The following RALGDS variants were observed in gnomAD, a reference collection of about 807,000 sequenced individuals.
RALGDS encodes the protein ral guanine nucleotide exchange factor.
A neutral mutation model predicts 99.8 loss-of-function variants in RALGDS; 44 were observed. The observed-to-expected ratio is 0.44, with a 90% CI of 0.35 to 0.57. The LOEUF (loss-of-function observed/expected upper bound fraction) is 0.57. Among genes scored for constraint, RALGDS ranks in the 20% least tolerant of loss-of-function variants. The probability of loss-of-function intolerance (pLI) is 0.01; values close to 1 mark genes in which losing one functional copy is unlikely to be tolerated. For missense variants in RALGDS, 1,022 were observed against 1,203.1 expected (o/e 0.85, Z 2.23); for synonymous variants, 529 against 505.0 (o/e 1.05, Z -0.64).
intron 1 of RALGDS, among the ~76,000 whole-genome samples, chr9:133,114,500 C>G (rs778591793): frequency 6.6e-6 from 1 of 152,182 alleles, no homozygotes; most frequent in African/African-American, 2.4e-5. Flanking sequence ...GGCAGCTGCC[C>G]CAGAACCCTC....
At chr9:133,125,367 G>A (rs903016641), upstream of RALGDS, among the ~76,000 whole-genome samples, 2 of 152,292 alleles carry the variant, frequency 1.3e-5, no homozygotes, top group East Asian at 1.9e-4. Context: ...ACCGATGGTC[G>A]TGAAAGCTGG....
chr9:133,100,459 C>T (rs1830702860), intron 16 of RALGDS, 77 bp from the exon 17 acceptor site: 3 of 1,608,336 alleles, frequency 1.9e-6, no homozygotes, highest in East Asian at 2.2e-5. Flanking sequence ...GCCAAGGACC[C>T]TCTGGAGTCC....
chr9:133,124,157 TACATAGAGACAGAGACACAG>T (rs934671107), upstream of RALGDS, among the ~76,000 whole-genome samples: 2 of 61,926 alleles, frequency 3.2e-5, no homozygotes, highest in Non-Finnish European at 6.9e-5. Flanking sequence ...CAGAGACACA[TACATAGAGACAGAGACACAG>T]ACACACACAC....
intron 2 of RALGDS, 113 bp from the exon 3 acceptor site, chr9:133,110,602 C>A: frequency 1.1e-6 from 1 of 904,018 alleles, no homozygotes; most frequent in Non-Finnish European, 1.8e-6. Flanking sequence ...GACTGAGTAT[C>A]TCTAGCAGAA....
intron 1 of RALGDS, among the ~76,000 whole-genome samples, chr9:133,114,166 G>A (rs1411525837): frequency 6.6e-6 from 1 of 152,194 alleles, no homozygotes; most frequent in Non-Finnish European, 1.5e-5. Context: ...CCAGCCGGGT[G>A]GTGGGGAAGG....
intron 1 of RALGDS, 88 bp downstream of exon 1, chr9:133,120,884 C>G (rs1295326004): frequency 7.5e-7 from 1 of 1,326,018 alleles, no homozygotes; most frequent in Non-Finnish European, 9.7e-7. Flanking sequence ...CGCCCGGCCC[C>G]GTCCGGGGCT....
chr9:133,109,819 A>G (rs1258702536), intron 3 of RALGDS, 98 bp from the exon 4 acceptor site: 2 of 909,004 alleles, frequency 2.2e-6, no homozygotes, highest in Admixed American at 3.9e-5. Flanking sequence ...ATCAAATTAT[A>G]TTAAATGCCT....
chr9:133,124,927 A>G (rs1340976929), upstream of RALGDS, among the ~76,000 whole-genome samples: 4 of 152,256 alleles, frequency 2.6e-5, no homozygotes, highest in Non-Finnish European at 5.9e-5. Flanking sequence ...CATTTGTGGG[A>G]TTACAGGGGA....
intron 13 of RALGDS, 33 bp downstream of exon 13, chr9:133,102,746 C>G: frequency 1.4e-5 from 23 of 1,606,652 alleles, no homozygotes; most frequent in Non-Finnish European, 2.0e-5. Flanking sequence ...GACAGCCTGC[C>G]CCCACTGTCC....
In RALGDS at chr9:133,108,751, C is replaced by G. The variant is rs1264456054; in HGVS notation, c.700G>C (p.Gly234Arg). The change falls in exon 5 of 18, where the codon GGC (glycine) becomes CGC (arginine). Residue 234 changes from glycine to arginine, a missense_variant. Around this residue, in one of 3 missense-constraint regions of RALGDS, gnomAD observed 825 missense variants for 994.5 expected, o/e 0.83. Coordinates refer to ENST00000372050, the MANE Select transcript of RALGDS (RefSeq NM_006266.4). ...LVAYVQLNMP[G>R]SDLERRAHLL... ...TGGGCACGGCGCTCCAGGTCTGAGC[C>G]TGGCATGTTGAGCTGCACGTAGGCC... 1 of 1,613,718 alleles carries G rather than the reference C, an allele frequency of 6.2e-7. No individual in the cohort carries two copies. The highest frequency in any genetic ancestry group is 1.3e-5 in the African/African-American group (1 of 75,028).
At chr9:133,143,749 A>ATAAT (rs1308793724) in intron 1 of RALGDS, among the ~76,000 whole-genome samples, 1 of 102,608 alleles carries the variant, frequency 9.7e-6, no homozygotes, top group East Asian at 2.4e-4. Context: ...AATAATAATA[A>ATAAT]TAATAATAAT....
In RALGDS at chr9:133,108,255, T is replaced by C. The variant is rs1407337813; in HGVS notation, c.930A>G (p.Ala310=). ...GAGCCTGCTGGAGCTCCGGAGCTGG[T>C]GCTGGAGCTACTTCTAGCTCTGAAC... is the stretch of plus-strand genomic sequence containing the variant. ...APGSELEVAP[A]PAPELQQAPE... is the part of the protein sequence containing the mutation. The change falls in exon 6 of 18, where the codon GCA becomes GCG. Residue 310 remains alanine, a synonymous_variant. Transcript: ENST00000372050. 5 of 1,595,822 alleles carry C rather than the reference T, an allele frequency of 3.1e-6. No individual in the cohort carries two copies. The highest frequency in any genetic ancestry group is 1.1e-5 in the South Asian group (1 of 89,022).
At chr9:133,124,100 GCACA>G (rs1312368795), upstream of RALGDS, among the ~76,000 whole-genome samples, 2 of 54,726 alleles carry the variant, frequency 3.7e-5, no homozygotes, top group Non-Finnish European at 7.7e-5. Flanking sequence ...ACACAGAGAT[GCACA>G]CACAGACACA....
chr9:133,103,752 G>T lies in RALGDS; in HGVS notation c.1753C>A (p.Leu585Met), dbSNP rs752622189. The T allele has an allele frequency of 6.2e-7, 1 of 1,613,262 alleles. No individual in the cohort carries two copies. The highest frequency in any genetic ancestry group is 2.2e-5 in the East Asian group (1 of 44,858). The change falls in exon 11 of 18, where the codon CTG becomes ATG. Residue 585 changes from leucine to methionine, a missense_variant. By Grantham distance (15) the Leu-to-Met change is conservative. Around this residue, in one of 3 missense-constraint regions of RALGDS, gnomAD observed 825 missense variants for 994.5 expected, o/e 0.83. Coordinates refer to ENST00000372050, the MANE Select transcript of RALGDS (RefSeq NM_006266.4). ...GCCCCGCCCGGCACACTCACATACA[G>T]ATAGTCCTTCATGGCAGTGTCCAGC... ...VMLDTAMKDY[L>M]YGRLINFEKR...
In RALGDS at chr9:133,144,198, G is replaced by T. The variant is rs1259549347; in HGVS notation, c.18+4765C>A. ...TCTGCAAACCGCAGTGTCATCAGCC[G>T]CACGGCCTCTGGAGAGGCCTGAGAA... is the stretch of plus-strand genomic sequence containing the variant. On this transcript the variant is annotated intron_variant, in intron 1 of 17. Transcript: ENST00000393160. This position sits in a 1 kb window ranked among gnomAD's most constrained non-coding sequence, Gnocchi z 4.5. Among the ~76,000 whole-genome samples the T allele has an allele frequency of 1.3e-5, 2 of 152,142 alleles. No individual in the cohort carries two copies. Among genetic ancestry groups the T allele is most frequent in the African/African-American group, 4.8e-5 (2 of 41,442 alleles).
intron 14 of RALGDS, 121 bp downstream of exon 14, chr9:133,102,355 G>A: frequency 8.2e-7 from 1 of 1,214,038 alleles, no homozygotes. Flanking sequence ...CAGTCTCAGG[G>A]CCAGTCAGCA....
At chr9:133,143,344 G>C (rs186957883) in intron 1 of RALGDS, among the ~76,000 whole-genome samples, 1 of 152,344 alleles carries the variant, frequency 6.6e-6, no homozygotes, top group African/African-American at 2.4e-5. Context: ...AGTATCTGCT[G>C]TGTGAATCAA....
intron 1 of RALGDS, among the ~76,000 whole-genome samples, chr9:133,113,633 T>C (rs1361078297): frequency 6.6e-6 from 1 of 152,154 alleles, no homozygotes; most frequent in African/African-American, 2.4e-5. Context: ...ACCCCCCTTT[T>C]CCTGACTCAC....
chr9:133,101,823 G>A (rs1830770972), intron 15 of RALGDS, 61 bp from the exon 16 acceptor site: 2 of 1,556,490 alleles, frequency 1.3e-6, no homozygotes, highest in Admixed American at 1.9e-5. Context: ...CAGGCCAGCT[G>A]CCAGATGGGG....
Sources: gnomAD v4.1 joint callset for allele counts (sites outside exome capture counted in the v4.1 genomes callset) on GRCh38, gnomAD v4.1.1 for gene constraint, gnomAD v4.1.1 regional missense constraint, Gnocchi (gnomAD v3.1) non-coding constraint, MANE v1.5 for transcripts, NCBI Gene and HGNC (gene_info 2026-07-23, HGNC 2026-07-21) for gene names.